The following CEP120 variants were observed in gnomAD, a reference collection of about 807,000 sequenced individuals.
The protein encoded by CEP120 is centrosomal protein 120.
In CEP120, 113 loss-of-function variants were observed where a neutral mutation model predicts 126.5. The ratio of observed to expected loss-of-function variants is 0.89; its 90% confidence interval spans 0.77 to 1.04. The LOEUF (loss-of-function observed/expected upper bound fraction) is 1.04. Among genes scored for constraint, CEP120 ranks in the 50% least tolerant of loss-of-function variants. CEP120 has a pLI of 0.00. For missense variants in CEP120, 1,230 were observed against 1,155.7 expected, an observed-to-expected ratio of 1.06 and a Z score of -0.93; for synonymous variants, 400 against 394.3, an observed-to-expected ratio of 1.01 and a Z score of -0.17.
At chr5:123,376,081 C>G (rs1380189850) in intron 16 of CEP120, among the ~76,000 whole-genome samples, 1 of 151,412 alleles carries the variant, frequency 6.6e-6, no homozygotes, top group Non-Finnish European at 1.5e-5. Flanking sequence ...TAAACCAGAA[C>G]AGTTTTTATG....
At chr5:123,420,479 GT>G (rs1384065975) in intron 1 of CEP120, among the ~76,000 whole-genome samples, 1 of 152,176 alleles carries the variant, frequency 6.6e-6, no homozygotes, top group Non-Finnish European at 1.5e-5. Flanking sequence ...AAGGACTGTA[GT>G]CCCCCGAGTC....
chr5:123,391,085 G>A (rs1470284404), intron 7 of CEP120, 25 bp downstream of exon 7: 14 of 1,560,682 alleles, frequency 9.0e-6, no homozygotes, highest in East Asian at 2.2e-5. Context: ...TGAAGCCAGG[G>A]GAATGAAGGA....
At chr5:123,418,011 T>C (rs890110974) in intron 2 of CEP120, among the ~76,000 whole-genome samples, 3 of 152,190 alleles carry the variant, frequency 2.0e-5, no homozygotes, top group Non-Finnish European at 2.9e-5. Context: ...ATACAAAATT[T>C]ATAGGTTGAA....
intron 17 of CEP120, among the ~76,000 whole-genome samples, chr5:123,371,278 G>T (rs1770836037): frequency 6.6e-6 from 1 of 152,056 alleles, no homozygotes; most frequent in African/African-American, 2.4e-5. Context: ...AGAACTCACA[G>T]TTCCACGTGG....
Position 123,399,292 on chromosome 5 carries a change from G to C in CEP120, c.464-8C>G, listed in dbSNP as rs371434084. 5.4e-5 allele frequency: 87 copies of C among 1,612,680 alleles called. No homozygotes were observed. Among genetic ancestry groups the C allele is most frequent in the Non-Finnish European group, 7.1e-5 (84 of 1,179,336 alleles). ...CAGCCAGGATGGCAGGTACTTTACA[G>C]AGAAAAACACGATTAAACTACATTG... On this transcript the variant is annotated splice_polypyrimidine_tract_variant and splice_region_variant and intron_variant, in intron 4 of 19. Transcript: ENST00000306467.
chr5:123,346,323 T>C lies in CEP120; in HGVS notation c.*196A>G. ...TTTAAAATGAGTATATAAATGCAAA[T>C]TACAAATAAAACCAGTGTGGGAGAG... is the stretch of plus-strand genomic sequence containing the variant. On this transcript the variant is annotated 3_prime_UTR_variant, in exon 20 of 20. Coordinates refer to ENST00000306467, the MANE Select transcript of CEP120 (RefSeq NM_001375405.1). 6.6e-6 allele frequency: 3 copies of C among 453,134 alleles called. No homozygotes were observed. In the East Asian group the frequency reaches 1.0e-4, roughly 15 times the overall value. The allele number at this position is 453,134 out of a possible 1,614,324, so 28.1% of individuals were successfully genotyped here.
intron 18 of CEP120, among the ~76,000 whole-genome samples, chr5:123,363,814 A>G (rs566023738): frequency 1.7e-3 from 253 of 151,754 alleles, no homozygotes; most frequent in Non-Finnish European, 3.1e-3. Context: ...AAACTGACAC[A>G]TTAAAGAAAA....
intron 3 of CEP120, among the ~76,000 whole-genome samples, chr5:123,414,971 CAAAAAAAAAAAAAAAAAAA>C (rs56756568): frequency 2.5e-5 from 1 of 40,636 alleles, no homozygotes; most frequent in Non-Finnish European, 3.9e-5. Context: ...GACTCCATCT[CAAAAAAAAAAAAAAAAAAA>C]AAAAAAAAAA....
chr5:123,404,392 T>C (rs563035657), intron 4 of CEP120, among the ~76,000 whole-genome samples: 195 of 152,322 alleles, frequency 1.3e-3, no homozygotes, highest in Non-Finnish European at 2.4e-3. Flanking sequence ...CAAAAGAAGA[T>C]GTCCAGGAGG....
Position 123,386,556 on chromosome 5 carries a change from A to G in CEP120, c.1542T>C (p.Phe514=), listed in dbSNP as rs768346512. The G allele has an allele frequency of 9.4e-6, 15 of 1,589,116 alleles. No individual in the cohort carries two copies. Among genetic ancestry groups the G allele is most frequent in the Non-Finnish European group, 1.3e-5 (15 of 1,169,224 alleles). ...FLPQSYCAFD[F]ATMPHQLQDT... ...CTTGCAGCTGATGAGGCATAGTTGC[A>G]AAATCAAATGCACAGTAAGACTGGG... Residue 514 remains phenylalanine, a synonymous_variant, in exon 10 of 20, where the codon TTT becomes TTC. Coordinates refer to ENST00000306467, the MANE Select transcript of CEP120 (RefSeq NM_001375405.1).
intron 3 of CEP120, 39 bp downstream of exon 3, chr5:123,415,967 ACTGT>A: frequency 8.0e-7 from 1 of 1,252,294 alleles, no homozygotes; most frequent in Non-Finnish European, 1.2e-6. Context: ...AAAATAATCG[ACTGT>A]CTAACATAAT....
intron 17 of CEP120, among the ~76,000 whole-genome samples, chr5:123,372,131 G>T (rs1277388462): frequency 6.6e-6 from 1 of 152,062 alleles, no homozygotes; most frequent in Admixed American, 6.6e-5. Flanking sequence ...GAGCTAGAGT[G>T]CAAGTCTGTG....
intron 14 of CEP120, among the ~76,000 whole-genome samples, chr5:123,380,739 C>T (rs1771581493): frequency 6.6e-6 from 1 of 152,034 alleles, no homozygotes. Context: ...ATAAACTCAT[C>T]TTGTCTTAAA....
At position 123,377,275 on chromosome 5, in the gene CEP120, T is replaced by C. The variant is rs970134876; in HGVS notation, c.2358+99A>G. On this transcript the variant is annotated intron_variant, in intron 16 of 19. Transcript: ENST00000306467. ...TAATATGATTAATAGTCTAAATTAC[T>C]ATGAATTTTACCACTTTTTAGTAGT... 23 of 1,096,320 alleles carry C rather than the reference T, an allele frequency of 2.1e-5. No individual in the cohort carries two copies. The Middle Eastern group carries it at 6.3e-4, about 30-fold the overall frequency. 67.9% of individuals were successfully genotyped at this position (1,096,320 alleles called of 1,614,324 possible).
rs1432457174 is a variant in CEP120, at chr5:123,364,572, T to C, written c.2504A>G (p.Glu835Gly). ...LEKVELERKLESATKSKLHYK... is the reference protein window; with the variant it reads ...LEKVELERKLGSATKSKLHYK... ...ATGCAGTTTAGACTTAGTTGCAGAT[T>C]CCAACTTTCTTTCAAGTTCAACCTA... Residue 835 changes from glutamate (E) to glycine (G), a missense_variant, in exon 18 of 20, where the codon GAA (glutamate) becomes GGA (glycine). By Grantham distance (98) the Glu-to-Gly change is moderately conservative (BLOSUM62 -2). Coordinates refer to ENST00000306467, the MANE Select transcript of CEP120 (RefSeq NM_001375405.1). The C allele has an allele frequency of 6.2e-7, 1 of 1,605,386 alleles. No homozygotes were observed. Among genetic ancestry groups the C allele is most frequent in the Non-Finnish European group, 8.5e-7 (1 of 1,174,540 alleles).
intron 3 of CEP120, 101 bp from the exon 4 acceptor site, chr5:123,412,641 G>A: frequency 1.3e-6 from 1 of 797,470 alleles, no homozygotes; most frequent in South Asian, 4.6e-5. Flanking sequence ...TAGCTTTTCA[G>A]TACTTTATAA....
chr5:123,360,651 G>A (rs1414691275), intron 18 of CEP120, among the ~76,000 whole-genome samples: 2 of 76,366 alleles, frequency 2.6e-5, no homozygotes, highest in African/African-American at 8.1e-5. Flanking sequence ...AATGCTTTTT[G>A]GGCAAGAGGG....
chr5:123,391,476 C>T (rs1261632654), intron 6 of CEP120, 139 bp from the exon 7 acceptor site: 2 of 643,304 alleles, frequency 3.1e-6, no homozygotes, highest in Non-Finnish European at 5.3e-6. Context: ...CCTCAAGTGA[C>T]GAAGTAATGA....
Position 123,416,042 on chromosome 5 carries a change from G to C in CEP120, c.289C>G (p.Leu97Val). The change falls in exon 3 of 20, where the codon CTG (leucine) becomes GTG (valine). Residue 97 changes from leucine (L) to valine (V), a missense_variant. Coordinates refer to ENST00000306467, the MANE Select transcript of CEP120 (RefSeq NM_001375405.1). The part of the protein sequence containing the change: ...SAKETIGYIV[L>V]DLRTAQETKQ... Reference sequence around the variant, plus strand: ...GTTTCTTGAGCGGTTCTTAAATCCAGAACGATGTAACCTATGGTTTCCTTG... The same window carrying C: ...GTTTCTTGAGCGGTTCTTAAATCCACAACGATGTAACCTATGGTTTCCTTG... The C allele has an allele frequency of 6.2e-7, 1 of 1,613,916 alleles. No individual in the cohort carries two copies. Among genetic ancestry groups the C allele is most frequent in the South Asian group, 1.1e-5 (1 of 91,050 alleles).
Sources: allele counts gnomAD v4.1 joint callset (sites outside exome capture counted in the v4.1 genomes callset), GRCh38; gene constraint gnomAD v4.1.1; transcripts MANE v1.5; gene names NCBI Gene and HGNC (gene_info 2026-07-23, HGNC 2026-07-21).